The following VCF1 variants were observed in gnomAD, a reference collection of about 807,000 sequenced individuals.
The protein encoded by VCF1 is VCP nuclear cofactor family member 1, also known as protein VCF1.
chr17:73,222,035 C>CAAA, the VCF1 span, among the ~76,000 whole-genome samples: 36 of 80,800 alleles, frequency 4.5e-4, 2 homozygotes, highest in African/African-American at 6.7e-4. Flanking sequence ...GACTCTGTCT[C>CAAA]AAAAAAAAAA....
At chr17:73,210,106 C>G in the VCF1 span, among the ~76,000 whole-genome samples, 1 of 152,200 alleles carries the variant, frequency 6.6e-6, no homozygotes, top group East Asian at 1.9e-4. Context: ...TTTTCCCATT[C>G]ATTTCAATAA....
the VCF1 span, chr17:73,232,142 T>G: frequency 5.0e-6 from 8 of 1,609,834 alleles, no homozygotes; most frequent in Non-Finnish European, 6.8e-6. Flanking sequence ...GCGGCGCCGC[T>G]CCGCGAAGAG....
At chr17:73,224,997 C>T in the VCF1 span, among the ~76,000 whole-genome samples, 5 of 96,126 alleles carry the variant, frequency 5.2e-5, no homozygotes, top group African/African-American at 1.1e-4. Flanking sequence ...CAGCACAGGA[C>T]AGGACAGGAC....
chr17:73,232,119 G>A, the VCF1 span: 33 of 1,610,014 alleles, frequency 2.0e-5, no homozygotes, highest in Non-Finnish European at 2.5e-5. Flanking sequence ...GGCAGCTGGC[G>A]GATGGAAGCT....
At chr17:73,207,492 T>A in the VCF1 span, 2 of 634,848 alleles carry the variant, frequency 3.2e-6, no homozygotes, top group Non-Finnish European at 5.5e-6. Context: ...ATGTAGAAAA[T>A]ATACAGGACA....
the VCF1 span, among the ~76,000 whole-genome samples, chr17:73,218,818 G>C: frequency 6.6e-6 from 1 of 152,164 alleles, no homozygotes; most frequent in Admixed American, 6.5e-5. Context: ...AGGAGATAGA[G>C]ACCATCCTGG....
At chr17:73,221,357 AG>A in the VCF1 span, among the ~76,000 whole-genome samples, 1 of 151,592 alleles carries the variant, frequency 6.6e-6, no homozygotes, top group African/African-American at 2.4e-5. Flanking sequence ...TAAAACTGAA[AG>A]TAAAGAACAT....
the VCF1 span, among the ~76,000 whole-genome samples, chr17:73,224,950 C>CACAGG: frequency 5.6e-5 from 5 of 89,530 alleles, no homozygotes; most frequent in Non-Finnish European, 2.5e-5. Context: ...CACAGCACAG[C>CACAGG]ACAGGACAGG....
the VCF1 span, chr17:73,229,371 A>C: frequency 1.0e-6 from 1 of 985,448 alleles, no homozygotes; most frequent in Non-Finnish European, 1.2e-6. Context: ...ATCAGATTAC[A>C]ATTTTTGGCA....
At chr17:73,227,246 G>T in the VCF1 span, 1 of 1,566,604 alleles carries the variant, frequency 6.4e-7, no homozygotes, top group South Asian at 1.2e-5. Context: ...CTTCTTCGTT[G>T]CCATTCCTTC....
chr17:73,223,158 A>T, the VCF1 span, among the ~76,000 whole-genome samples: 2 of 152,130 alleles, frequency 1.3e-5, no homozygotes, highest in African/African-American at 4.8e-5. Flanking sequence ...CCTTTACTAA[A>T]AATACAAAAT....
the VCF1 span, chr17:73,209,450 T>C: frequency 2.0e-6 from 3 of 1,500,698 alleles, no homozygotes; most frequent in Non-Finnish European, 2.7e-6. Context: ...GCAATTTTTC[T>C]TTTAAAACAA....
the VCF1 span, chr17:73,229,326 T>G: frequency 1.0e-6 from 1 of 985,342 alleles, no homozygotes; most frequent in African/African-American, 1.7e-5. Context: ...ACTGGCAAGA[T>G]TACAGCTTCA....
the VCF1 span, among the ~76,000 whole-genome samples, chr17:73,217,518 C>T: frequency 2.0e-5 from 3 of 151,962 alleles, no homozygotes; most frequent in African/African-American, 7.3e-5. Flanking sequence ...GGCGTGGTGG[C>T]GTGCACCTGC....
the VCF1 span, among the ~76,000 whole-genome samples, chr17:73,225,451 CTTTT>C: frequency 6.6e-6 from 1 of 150,982 alleles, no homozygotes; most frequent in Non-Finnish European, 1.5e-5. Context: ...CAATTTCTTT[CTTTT>C]TTTTTAACCA....
chr17:73,232,193 A>T, the VCF1 span: 5 of 1,606,910 alleles, frequency 3.1e-6, no homozygotes, highest in Non-Finnish European at 4.2e-6. Flanking sequence ...CGCCACGCCC[A>T]CCCCCTCGGG....
chr17:73,221,506 A>C, the VCF1 span, among the ~76,000 whole-genome samples: 7 of 147,286 alleles, frequency 4.8e-5, no homozygotes, highest in Admixed American at 1.3e-4. Context: ...AAAATTGATA[A>C]AATCATTTCA....
chr17:73,229,612 T>C, the VCF1 span: 2 of 983,232 alleles, frequency 2.0e-6, no homozygotes, highest in Non-Finnish European at 2.4e-6. Context: ...ACACCTGTAA[T>C]CCCAGCACTT....
chr17:73,210,302 T>C, the VCF1 span, among the ~76,000 whole-genome samples: 14 of 152,314 alleles, frequency 9.2e-5, no homozygotes, highest in Non-Finnish European at 1.9e-4. Context: ...ACACAGACCC[T>C]GAAAGGACTT....
Sources: allele counts gnomAD v4.1 joint callset (sites outside exome capture counted in the v4.1 genomes callset), GRCh38; gene constraint gnomAD v4.1.1; transcripts MANE v1.5; gene names NCBI Gene and HGNC (gene_info 2026-07-23, HGNC 2026-07-21).